Variants in ZSWIM6 observed in about 807,000 individuals in gnomAD.
The protein encoded by ZSWIM6 is zinc finger SWIM domain-containing protein 6.
A neutral mutation model predicts 113.2 loss-of-function variants in ZSWIM6; 9 were observed. The observed-to-expected ratio is 0.08, with a 90% confidence interval of 0.05 to 0.14. ZSWIM6 has a LOEUF of 0.14. ZSWIM6 is among the 10% of genes least tolerant of loss of function. The probability of loss-of-function intolerance (pLI) is 1.00; values close to 1 mark genes in which losing one functional copy is unlikely to be tolerated. For missense variants in ZSWIM6, 1,162 were observed against 1,552.2 expected (o/e 0.75, Z 4.22); for synonymous variants, 611 against 606.5 (o/e 1.01, Z -0.11).
rs534260224 is a variant in ZSWIM6, at chr5:61,454,907, C to T, written c.677-17774C>T. On this transcript the variant is annotated intron_variant, in intron 1 of 13. Transcript: ENST00000252744. The stretch of plus-strand genomic sequence containing the variant: ...TGAAGGTTTTTTTTTTTTTTTGCAC[C>T]TCCTTTCTGGCACCATCACATTCTC... Among the ~76,000 whole-genome samples the T allele has an allele frequency of 1.0e-4, 15 of 149,840 alleles. No individual in the cohort carries two copies. The South Asian group carries it at 3.2e-3, about 32-fold the overall frequency.
In ZSWIM6 at chr5:61,543,586, C is replaced by G; in HGVS notation, c.2917C>G (p.Gln973Glu). 6.4e-7 allele frequency: 1 copy of G among 1,551,782 alleles called. No homozygotes were observed. Among genetic ancestry groups the G allele is most frequent in the Non-Finnish European group, 8.7e-7 (1 of 1,147,026 alleles). ...IVRLHLDCHQ[Q>E]EKLASSARTL... is the part of the protein sequence containing the mutation. ...CCGCCTCCACCTGGACTGCCACCAG[C>G]AGGAAAAGCTGGCCAGCAGCGCCCG... Residue 973 changes from glutamine (Q) to glutamate (E), a missense_variant, in exon 14 of 14, where the codon CAG becomes GAG. Coordinates refer to ENST00000252744, the MANE Select transcript of ZSWIM6 (RefSeq NM_020928.2). The surrounding 1 kb of genome is among the most constrained non-coding windows in gnomAD (Gnocchi z 4.3).
intron 1 of ZSWIM6, among the ~76,000 whole-genome samples, chr5:61,428,813 A>G (rs1389605043): frequency 6.6e-6 from 1 of 151,940 alleles, no homozygotes; most frequent in Non-Finnish European, 1.5e-5. Context: ...TGTTTTTATT[A>G]TTTTTTTCTT....
At chr5:61,519,125 A>G (rs1292825846) in intron 4 of ZSWIM6, among the ~76,000 whole-genome samples, 1 of 152,156 alleles carries the variant, frequency 6.6e-6, no homozygotes, top group Non-Finnish European at 1.5e-5. Context: ...TTCTTAAAGC[A>G]TGCAACAAAC....
At chr5:61,405,963 G>A (rs868572098) in intron 1 of ZSWIM6, among the ~76,000 whole-genome samples, 5 of 152,190 alleles carry the variant, frequency 3.3e-5, no homozygotes, top group Non-Finnish European at 7.3e-5. Context: ...CTGTGGTCCT[G>A]TGAGGTCTGG....
intron 1 of ZSWIM6, among the ~76,000 whole-genome samples, chr5:61,357,869 T>C (rs1744947666): frequency 6.6e-6 from 1 of 150,754 alleles, no homozygotes; most frequent in Non-Finnish European, 1.5e-5. Flanking sequence ...TTTGAAGGAT[T>C]AAAAAAAAAA....
At chr5:61,479,475 C>A (rs1265791004) in intron 2 of ZSWIM6, among the ~76,000 whole-genome samples, 1 of 152,148 alleles carries the variant, frequency 6.6e-6, no homozygotes, top group Non-Finnish European at 1.5e-5. Context: ...GACACCATCC[C>A]AACCCTCATA....
chr5:61,499,742 A>C (rs1333083435), intron 4 of ZSWIM6, among the ~76,000 whole-genome samples: 1 of 151,944 alleles, frequency 6.6e-6, no homozygotes, highest in African/African-American at 2.4e-5. Flanking sequence ...TTTCAATCCA[A>C]CCTTGCTGTT....
chr5:61,497,615 A>G (rs1580041785), intron 4 of ZSWIM6, among the ~76,000 whole-genome samples: 1 of 152,176 alleles, frequency 6.6e-6, no homozygotes, highest in South Asian at 2.1e-4. Flanking sequence ...TCATTTACAG[A>G]TACATTTATC....
chr5:61,515,823 G>A (rs976035275), intron 4 of ZSWIM6, among the ~76,000 whole-genome samples: 1 of 152,062 alleles, frequency 6.6e-6, no homozygotes, highest in African/African-American at 2.4e-5. Context: ...TTTGCTTCCT[G>A]TATTTTGAAG....
At position 61,535,476 on chromosome 5, in the gene ZSWIM6, T is replaced by C. The variant is rs186618311; in HGVS notation, c.2246-8T>C. On this transcript the variant is annotated splice_polypyrimidine_tract_variant and splice_region_variant and intron_variant, in intron 9 of 13. Transcript: ENST00000252744. ...GGAACGTAAAATGTGTATGCTCTCT[T>C]CCCACAGCCGGACCATATAGTGGTT... 9 of 1,551,170 alleles carry C rather than the reference T, an allele frequency of 5.8e-6. No individual in the cohort carries two copies. In the Admixed American group the frequency reaches 1.2e-4, roughly 20 times the overall value.
intron 1 of ZSWIM6, among the ~76,000 whole-genome samples, chr5:61,363,123 G>C (rs1459492069): frequency 6.6e-6 from 1 of 152,168 alleles, no homozygotes; most frequent in Admixed American, 6.5e-5. Context: ...TTACATATTG[G>C]AGACTGTGCC....
intron 1 of ZSWIM6, among the ~76,000 whole-genome samples, chr5:61,401,558 A>T (rs1400061250): frequency 6.6e-6 from 1 of 152,132 alleles, no homozygotes; most frequent in Non-Finnish European, 1.5e-5. Flanking sequence ...TAGGTTAAAA[A>T]ATCTGAATGA....
chr5:61,474,452 A>G (rs1438440773), intron 2 of ZSWIM6, among the ~76,000 whole-genome samples: 2 of 152,240 alleles, frequency 1.3e-5, no homozygotes, highest in Non-Finnish European at 2.9e-5. Flanking sequence ...AGAAACAAGT[A>G]AAATTAATTT....
intron 2 of ZSWIM6, among the ~76,000 whole-genome samples, chr5:61,479,633 C>T (rs559577008): frequency 3.7e-4 from 57 of 152,320 alleles, no homozygotes; most frequent in African/African-American, 1.4e-3. Context: ...CACTGTAAGG[C>T]TATTCAGAGT....
chr5:61,409,424 G>T (rs1292476811), intron 1 of ZSWIM6, among the ~76,000 whole-genome samples: 1 of 152,118 alleles, frequency 6.6e-6, no homozygotes, highest in Non-Finnish European at 1.5e-5. Flanking sequence ...AAATTATGTG[G>T]AAAATTGGCA....
At chr5:61,362,629 C>T (rs1474301841) in intron 1 of ZSWIM6, among the ~76,000 whole-genome samples, 2 of 152,202 alleles carry the variant, frequency 1.3e-5, no homozygotes, top group Non-Finnish European at 2.9e-5. Flanking sequence ...TATCTGCCCT[C>T]TAAATGTTGG....
chr5:61,418,467 CT>C (rs1165233014), intron 1 of ZSWIM6, among the ~76,000 whole-genome samples: 2 of 152,040 alleles, frequency 1.3e-5, no homozygotes, highest in African/African-American at 4.8e-5. Context: ...TTTTCAAGAC[CT>C]GGTTGGTCTC....
At chr5:61,489,147 G>T (rs780249223) in intron 2 of ZSWIM6, among the ~76,000 whole-genome samples, 37 of 151,856 alleles carry the variant, frequency 2.4e-4, no homozygotes, top group Admixed American at 4.6e-4. Flanking sequence ...CTGCCTAAGG[G>T]CTATGCTCAA....
chr5:61,358,188 G>A (rs1228969307), intron 1 of ZSWIM6, among the ~76,000 whole-genome samples: 1 of 152,046 alleles, frequency 6.6e-6, no homozygotes, highest in Non-Finnish European at 1.5e-5. Flanking sequence ...GCTGATAAAA[G>A]TTACTACAGT....
Sources: allele counts gnomAD v4.1 joint callset (sites outside exome capture counted in the v4.1 genomes callset), GRCh38; gene constraint gnomAD v4.1.1; non-coding constraint Gnocchi (gnomAD v3.1); transcripts MANE v1.5; gene names NCBI Gene and HGNC (gene_info 2026-07-23, HGNC 2026-07-21).